Variants in ITGA8 observed in about 807,000 individuals in gnomAD.
The protein encoded by ITGA8 is integrin alpha-8.
In ITGA8, 91 loss-of-function variants were observed where a neutral mutation model predicts 142.3. The ratio of observed to expected loss-of-function variants is 0.64; its 90% CI spans 0.54 to 0.76. The LOEUF is 0.76. ITGA8 is among the 30% of genes least tolerant of loss of function. ITGA8 has a pLI of 0.00. For synonymous variants in ITGA8, 505 were observed against 485.2 expected, an observed-to-expected ratio of 1.04 and a Z score of -0.54; for missense variants, 1,406 against 1,327.7, an observed-to-expected ratio of 1.06 and a Z score of -0.92.
intron 3 of ITGA8, among the ~76,000 whole-genome samples, chr10:15,684,578 G>A (rs1216568262): frequency 6.6e-6 from 1 of 151,904 alleles, no homozygotes; most frequent in Admixed American, 6.6e-5. Context: ...TTATTATGTT[G>A]CTCCAACTGG....
At chr10:15,624,784 T>G (rs1833552317) in intron 13 of ITGA8, among the ~76,000 whole-genome samples, 1 of 152,230 alleles carries the variant, frequency 6.6e-6, no homozygotes, top group Non-Finnish European at 1.5e-5. Context: ...TTGGCTCACT[T>G]TCATACAATG....
At chr10:15,578,391 A>G (rs1478187866) in intron 23 of ITGA8, among the ~76,000 whole-genome samples, 1 of 152,100 alleles carries the variant, frequency 6.6e-6, no homozygotes, top group East Asian at 1.9e-4. Context: ...ATGTACCATG[A>G]TTTGTTTAAC....
In ITGA8 at chr10:15,592,256, T is replaced by C. The variant is rs781342372; in HGVS notation, c.2260A>G (p.Met754Val). 7 of 1,613,912 alleles carry C rather than the reference T, an allele frequency of 4.3e-6. No homozygotes were observed. Among genetic ancestry groups the C allele is most frequent in the Non-Finnish European group, 5.1e-6 (6 of 1,179,814 alleles). Residue 754 changes from methionine (M) to valine (V), a missense_variant, in exon 22 of 30, where the codon ATG becomes GTG. Coordinates refer to ENST00000378076, the MANE Select transcript of ITGA8 (RefSeq NM_003638.3). ...FAVPRLEKTN[M>V]SINFDLQIRS... ...ATTTGGAGATCGAAGTTAATGCTCATGTTTGTTTTCTCAAGACGTGGAACT... is the reference window on the plus strand; with the variant it reads ...ATTTGGAGATCGAAGTTAATGCTCACGTTTGTTTTCTCAAGACGTGGAACT...
At chr10:15,539,985 T>C (rs1277980431) in intron 27 of ITGA8, among the ~76,000 whole-genome samples, 1 of 152,164 alleles carries the variant, frequency 6.6e-6, no homozygotes, top group African/African-American at 2.4e-5. Flanking sequence ...ACATGCTCTC[T>C]TGCCGCCATG....
chr10:15,549,757 T>C (rs2131559220), intron 26 of ITGA8, among the ~76,000 whole-genome samples: 1 of 152,362 alleles, frequency 6.6e-6, no homozygotes, highest in Middle Eastern at 3.4e-3. Flanking sequence ...TTCACTTTAA[T>C]GAAATTGATA....
chr10:15,601,598 T>C (rs1564369336), intron 20 of ITGA8, among the ~76,000 whole-genome samples: 1 of 152,180 alleles, frequency 6.6e-6, no homozygotes, highest in Non-Finnish European at 1.5e-5. Flanking sequence ...ACTACTATCA[T>C]AATGATGATG....
In ITGA8 at chr10:15,586,643, G is replaced by C. The variant is rs549099459; in HGVS notation, c.2313C>G (p.Asp771Glu). ...TGATTTGCAGGCTCACAAAATTGCT[G>C]TCTGGATTGTCCTTGTTGGAACTAA... Reference protein sequence around the residue: ...QIRSSNKDNPDSNFVSLQINI... With the variant: ...QIRSSNKDNPESNFVSLQINI... Residue 771 changes from aspartate to glutamate, a missense_variant, in exon 23 of 30, where the codon GAC (aspartate) becomes GAG (glutamate). Physicochemically the swap from Asp to Glu is conservative, Grantham distance 45. Coordinates refer to ENST00000378076, the MANE Select transcript of ITGA8 (RefSeq NM_003638.3). The C allele has an allele frequency of 1.9e-6, 3 of 1,611,906 alleles. No homozygotes were observed. In the East Asian group the frequency reaches 6.7e-5, roughly 36 times the overall value.
chr10:15,526,882 T>C (rs370077882), intron 28 of ITGA8, among the ~76,000 whole-genome samples: 1 of 152,328 alleles, frequency 6.6e-6, no homozygotes, highest in East Asian at 1.9e-4. Flanking sequence ...TTTTTTATTA[T>C]GGAGGAAAGA....
At chr10:15,639,865 C>T (rs778833059) in intron 13 of ITGA8, among the ~76,000 whole-genome samples, 2 of 152,114 alleles carry the variant, frequency 1.3e-5, no homozygotes, top group Non-Finnish European at 2.9e-5. Context: ...GTTGCGAACC[C>T]CTGTTTATAA....
chr10:15,632,336 T>C (rs1833698932), intron 13 of ITGA8, among the ~76,000 whole-genome samples: 1 of 152,120 alleles, frequency 6.6e-6, no homozygotes, highest in Admixed American at 6.5e-5. Flanking sequence ...AATAGAAATA[T>C]TTGTTTGAGA....
In ITGA8 at chr10:15,575,539, C is replaced by T. The variant is rs1834272695; in HGVS notation, c.2428G>A (p.Glu810Lys). ...LPIHNWEPEE[E>K]PHKEEEVGPL... ...CCAACCTCCTCCTCTTTGTGGGGCT[C>T]CTCTTCTGGTTCCCAGTTATGAATG... is the stretch of plus-strand genomic sequence containing the variant. Residue 810 changes from glutamate (E) to lysine (K), a missense_variant, in exon 24 of 30, where the codon GAG becomes AAG. By Grantham distance (56) the Glu-to-Lys change is moderately conservative. Coordinates refer to ENST00000378076, the MANE Select transcript of ITGA8 (RefSeq NM_003638.3). The T allele has an allele frequency of 1.2e-6, 2 of 1,614,060 alleles. No homozygotes were observed. Among genetic ancestry groups the T allele is most frequent in the East Asian group, 4.5e-5 (2 of 44,882 alleles).
chr10:15,719,847 G>T lies in ITGA8; in HGVS notation c.-76C>A. On this transcript the variant is annotated 5_prime_UTR_variant, in exon 1 of 30. Transcript: ENST00000378076. Reference sequence around the variant, plus strand: ...CCCTGCGGGGCAAGGGGGGCTGGTGGAATCTGGCGGTCCCCAGCTGCCCGT... The same window carrying T: ...CCCTGCGGGGCAAGGGGGGCTGGTGTAATCTGGCGGTCCCCAGCTGCCCGT... 9.0e-7 allele frequency: 1 copy of T among 1,106,810 alleles called. No individual in the cohort carries two copies. The highest frequency in any genetic ancestry group is 1.2e-6 in the Non-Finnish European group (1 of 856,262). 68.6% of individuals were successfully genotyped at this position (1,106,810 alleles called of 1,614,324 possible).
At chr10:15,530,274 G>T (rs1426798714) in intron 28 of ITGA8, among the ~76,000 whole-genome samples, 4 of 146,450 alleles carry the variant, frequency 2.7e-5, no homozygotes, top group Non-Finnish European at 4.6e-5. Context: ...TCAGCTGGGC[G>T]CAGTGGCTTA....
chr10:15,686,836 C>A (rs1269421337), intron 3 of ITGA8, among the ~76,000 whole-genome samples: 1 of 152,068 alleles, frequency 6.6e-6, no homozygotes, highest in Non-Finnish European at 1.5e-5. Context: ...ATTGTAGTTT[C>A]CATTGTTTTG....
At position 15,565,573 on chromosome 10, in the gene ITGA8, A is replaced by ATTTTTTTTTTTTTTTTTTTT. The variant is rs71374633; in HGVS notation, c.2637+6618_2637+6637dup. 3.5e-4 allele frequency among the ~76,000 whole-genome samples: 12 copies of ATTTTTTTTTTTTTTTTTTTT among 34,782 alleles called. 1 individual carries two copies. The highest frequency in any genetic ancestry group is 1.4e-3 in the East Asian group (1 of 718). The allele number at this position is 34,782 out of a possible 152,430, so 22.8% of individuals were successfully genotyped here. ...ATAATCTTCTTCCTTTCATGTCCTGATTTTTTTTTTTTTTTTTTTTTTTTT... is the reference window on the plus strand; with the variant it reads ...ATAATCTTCTTCCTTTCATGTCCTGATTTTTTTTTTTTTTTTTTTTTTTTTTTTTTTTTTTTTTTTTTTTT... On this transcript the variant is annotated intron_variant, in intron 25 of 29. Coordinates refer to ENST00000378076, the MANE Select transcript of ITGA8 (RefSeq NM_003638.3).
intron 26 of ITGA8, among the ~76,000 whole-genome samples, chr10:15,556,868 G>A (rs1363663570): frequency 2.6e-5 from 4 of 152,194 alleles, no homozygotes; most frequent in African/African-American, 9.6e-5. Context: ...CTTTTGAGAA[G>A]GGTATTAGCT....
chr10:15,535,965 C>T (rs1405272532), intron 27 of ITGA8, among the ~76,000 whole-genome samples: 2 of 151,902 alleles, frequency 1.3e-5, no homozygotes. Flanking sequence ...CGAATAACTC[C>T]GCGCTGCCTT....
At chr10:15,710,183 T>A (rs1300748667) in intron 2 of ITGA8, among the ~76,000 whole-genome samples, 1 of 152,258 alleles carries the variant, frequency 6.6e-6, no homozygotes, top group Admixed American at 6.5e-5. Context: ...TTCCCAAAGA[T>A]AGTCTCTCAT....
intron 25 of ITGA8, among the ~76,000 whole-genome samples, chr10:15,571,781 G>T (rs918278877): frequency 2.0e-5 from 3 of 152,152 alleles, no homozygotes; most frequent in African/African-American, 7.2e-5. Flanking sequence ...AAATTGCCAC[G>T]GTTCACCACT....
Sources: allele counts gnomAD v4.1 joint callset (sites outside exome capture counted in the v4.1 genomes callset), GRCh38; gene constraint gnomAD v4.1.1; transcripts MANE v1.5; gene names NCBI Gene and HGNC (gene_info 2026-07-23, HGNC 2026-07-21).